Variants in MECOM observed in about 807,000 individuals in gnomAD.
MECOM encodes the protein MDS1 and EVI1 complex locus, also known as histone-lysine N-methyltransferase MECOM.
Under a neutral mutation model 116.3 loss-of-function variants are expected in MECOM, and 13 were observed. That is an observed-to-expected ratio of 0.11 (90% confidence interval 0.07 to 0.18). The LOEUF (loss-of-function observed/expected upper bound fraction) is 0.18. MECOM is among the 10% of genes least tolerant of loss of function. The pLI, the probability that MECOM is intolerant of heterozygous loss-of-function variation, is 1.00. For synonymous variants in MECOM, 528 were observed against 535.2 expected (o/e 0.99, Z 0.19); for missense variants, 1,299 against 1,509.0 (o/e 0.86, Z 2.31).
chr3:169,100,461 A>G (rs890487593), intron 12 of MECOM, among the ~76,000 whole-genome samples: 1 of 150,848 alleles, frequency 6.6e-6, no homozygotes, highest in Non-Finnish European at 1.5e-5. Flanking sequence ...GTGCTGGGGG[A>G]AAAAAAGTAC....
At chr3:169,259,532 G>C (rs2149606653) in intron 2 of MECOM, among the ~76,000 whole-genome samples, 1 of 152,058 alleles carries the variant, frequency 6.6e-6, no homozygotes, top group South Asian at 2.1e-4. Context: ...AGACCAGCCT[G>C]GGCAACATAG....
At chr3:169,542,901 AG>A (rs1164467593) in intron 1 of MECOM, among the ~76,000 whole-genome samples, 1 of 152,206 alleles carries the variant, frequency 6.6e-6, no homozygotes, top group African/African-American at 2.4e-5. Context: ...ACCACACGCA[AG>A]CCATAATGGT....
chr3:169,594,876 C>G (rs1200172598), intron 1 of MECOM, among the ~76,000 whole-genome samples: 1 of 88,626 alleles, frequency 1.1e-5, no homozygotes, highest in Non-Finnish European at 2.2e-5. Flanking sequence ...CTGGATCTAA[C>G]TGAAAAAAAA....
intron 1 of MECOM, among the ~76,000 whole-genome samples, chr3:169,579,961 T>C (rs952483100): frequency 6.6e-6 from 1 of 152,194 alleles, no homozygotes; most frequent in Non-Finnish European, 1.5e-5. Context: ...CAATTATTAA[T>C]TTGAAGTATC....
rs200628251 is a variant in MECOM, at chr3:169,472,464, GAAGGAAAGGAAAGGAAAGGAAAGGA to G, written c.38-90965_38-90941del. 3.8e-3 allele frequency among the ~76,000 whole-genome samples: 242 copies of G among 64,134 alleles called. 10 individuals are homozygous for G. Among genetic ancestry groups the G allele is most frequent in the African/African-American group, 0.013 (219 of 16,568 alleles). 42.1% of individuals were successfully genotyped at this position (64,134 alleles called of 152,430 possible). A position where few individuals can be genotyped will look rare whatever the true frequency, so the allele number is the denominator to read the frequency against. On this transcript the variant is annotated intron_variant, in intron 1 of 16. Coordinates refer to ENST00000651503, the MANE Select transcript of MECOM (RefSeq NM_004991.4). Reference sequence around the variant, plus strand: ...GGAGAGAAAAGGAAAGGAAGGGAAAGAAGGAAAGGAAAGGAAAGGAAAGGAAAGGAAAGGAAAGGAAAGGAAAGGA... The same window carrying G: ...GGAGAGAAAAGGAAAGGAAGGGAAAGAAGGAAAGGAAAGGAAAGGAAAGGA...
chr3:169,486,690 G>A (rs1752421965), intron 1 of MECOM, among the ~76,000 whole-genome samples: 3 of 152,074 alleles, frequency 2.0e-5, no homozygotes, highest in African/African-American at 7.2e-5. Context: ...AATAGAGAAT[G>A]AGGAATATGC....
chr3:169,603,893 A>G (rs984950880), intron 1 of MECOM, among the ~76,000 whole-genome samples: 1 of 152,198 alleles, frequency 6.6e-6, no homozygotes, highest in Non-Finnish European at 1.5e-5. Context: ...CTCAAAACTT[A>G]AGAAAATGTC....
chr3:169,127,088 C>T (rs1404084226), intron 5 of MECOM, among the ~76,000 whole-genome samples: 2 of 151,994 alleles, frequency 1.3e-5, no homozygotes, highest in Non-Finnish European at 2.9e-5. Flanking sequence ...AACAAAAAAA[C>T]CCATTAACTG....
intron 3 of MECOM, chr3:169,131,773 C>G (rs1052864714): frequency 9.0e-6 from 6 of 669,954 alleles, no homozygotes; most frequent in Non-Finnish European, 1.1e-5. Flanking sequence ...TCCTACTTCA[C>G]AAATCAAATT....
intron 1 of MECOM, among the ~76,000 whole-genome samples, chr3:169,392,035 A>G (rs1273881): frequency 0.72 from 109,394 of 152,118 alleles, 40,976 homozygotes; most frequent in African/African-American, 0.93. Context: ...TTACAAACTG[A>G]GTCTAATTTA....
At chr3:169,354,780 A>C (rs1726966173) in intron 2 of MECOM, among the ~76,000 whole-genome samples, 1 of 151,032 alleles carries the variant, frequency 6.6e-6, no homozygotes, top group African/African-American at 2.5e-5. Context: ...ATGTTTGTTC[A>C]GTTTTTCCCC....
chr3:169,448,910 C>T (rs1745096556), intron 1 of MECOM, among the ~76,000 whole-genome samples: 2 of 152,144 alleles, frequency 1.3e-5, no homozygotes, highest in African/African-American at 4.8e-5. Flanking sequence ...TTCAGGTACA[C>T]TGGAATCCAG....
intron 12 of MECOM, among the ~76,000 whole-genome samples, chr3:169,098,303 TAC>T (rs1722400368): frequency 6.6e-6 from 1 of 152,240 alleles, no homozygotes. Flanking sequence ...CTTAGTTTTC[TAC>T]AGTCTCTAAC....
chr3:169,085,027 A>G lies in MECOM; in HGVS notation c.3602T>C (p.Leu1201Pro). ...GAGGGACTCCTTGTCAGACAGTGAC[A>G]GCATCATAGCATATGCCTGGGGTAA... ...KSKSQAYAMMLSLSDKESLHS... is the reference protein window; with the variant it reads ...KSKSQAYAMMPSLSDKESLHS... Residue 1201 changes from leucine (L) to proline (P), a missense_variant, in exon 17 of 17, where the codon CTG (leucine) becomes CCG (proline). This residue lies in a region of MECOM where 273 missense variants were observed against 289.3 expected (regional missense o/e 0.94). Coordinates refer to ENST00000651503, the MANE Select transcript of MECOM (RefSeq NM_004991.4). 1 of 1,614,156 alleles carries G rather than the reference A, an allele frequency of 6.2e-7. No homozygotes were observed. Among genetic ancestry groups the G allele is most frequent in the Non-Finnish European group, 8.5e-7 (1 of 1,179,986 alleles).
chr3:169,530,536 G>A (rs1576739556), intron 1 of MECOM, among the ~76,000 whole-genome samples: 1 of 152,134 alleles, frequency 6.6e-6, no homozygotes, highest in Non-Finnish European at 1.5e-5. Context: ...TGAGATTCCA[G>A]GAAGCTTCAG....
At chr3:169,249,494 A>G (rs1390363264) in intron 2 of MECOM, among the ~76,000 whole-genome samples, 1 of 152,240 alleles carries the variant, frequency 6.6e-6, no homozygotes, top group Non-Finnish European at 1.5e-5. Context: ...GGCCAGTTGC[A>G]TCCTTTCCAC....
At chr3:169,585,765 G>A (rs1329513072) in intron 1 of MECOM, among the ~76,000 whole-genome samples, 2 of 152,026 alleles carry the variant, frequency 1.3e-5, no homozygotes, top group African/African-American at 2.4e-5. Context: ...AACAGTTTCT[G>A]GTATATAGTC....
chr3:169,554,890 G>A (rs1761853600), intron 1 of MECOM, among the ~76,000 whole-genome samples: 1 of 152,172 alleles, frequency 6.6e-6, no homozygotes, highest in East Asian at 1.9e-4. Context: ...CGAGAGCAAT[G>A]GGGAATCCAA....
At chr3:169,532,433 A>C (rs1234843437) in intron 1 of MECOM, among the ~76,000 whole-genome samples, 1 of 152,226 alleles carries the variant, frequency 6.6e-6, no homozygotes, top group Non-Finnish European at 1.5e-5. Context: ...AAGCAATACC[A>C]GCTAGGAAAA....
Sources: gnomAD v4.1 joint callset for allele counts (sites outside exome capture counted in the v4.1 genomes callset) on GRCh38, gnomAD v4.1.1 for gene constraint, gnomAD v4.1.1 regional missense constraint, MANE v1.5 for transcripts, NCBI Gene and HGNC (gene_info 2026-07-23, HGNC 2026-07-21) for gene names.